Variants in AP1S3 observed in about 807,000 individuals in gnomAD.
AP1S3 encodes the protein adaptor related protein complex 1 subunit sigma 3, also known as AP-1 complex subunit sigma-3.
Under a neutral mutation model 20.9 loss-of-function variants are expected in AP1S3, and 10 were observed. The ratio of observed to expected loss-of-function variants is 0.48; its 90% confidence interval spans 0.29 to 0.81. The LOEUF is 0.81. AP1S3 is among the 30% of genes least tolerant of loss of function. AP1S3 has a pLI of 0.08. For missense variants in AP1S3, 154 were observed against 183.8 expected, an observed-to-expected ratio of 0.84 and a Z score of 0.94; for synonymous variants, 41 against 61.5, an observed-to-expected ratio of 0.67 and a Z score of 1.56.
chr2:223,767,235 A>G (rs1271529785), intron 3 of AP1S3, among the ~76,000 whole-genome samples: 2 of 151,918 alleles, frequency 1.3e-5, no homozygotes, highest in Non-Finnish European at 2.9e-5. Context: ...GACCTCCCCA[A>G]CGTTTACCTC....
intron 1 of AP1S3, among the ~76,000 whole-genome samples, chr2:223,821,302 C>T (rs1417512314): frequency 6.6e-6 from 1 of 152,092 alleles, no homozygotes; most frequent in Non-Finnish European, 1.5e-5. Context: ...ATTACAGGCA[C>T]CCGCCACCAC....
At chr2:223,792,764 G>C (rs1559135899) in intron 1 of AP1S3, among the ~76,000 whole-genome samples, 2 of 152,148 alleles carry the variant, frequency 1.3e-5, no homozygotes, top group Non-Finnish European at 2.9e-5. Flanking sequence ...AAACGAAACT[G>C]TCATCAGAGT....
chr2:223,781,024 T>A (rs1272969676), intron 1 of AP1S3, among the ~76,000 whole-genome samples: 1 of 151,784 alleles, frequency 6.6e-6, no homozygotes, highest in Non-Finnish European at 1.5e-5. Flanking sequence ...CTCCCGCTTG[T>A]GAGAACATGC....
Position 223,757,101 on chromosome 2 carries a change from T to C in AP1S3, c.*1614A>G. 3.2e-6 allele frequency: 2 copies of C among 632,694 alleles called. No individual in the cohort carries two copies. Among genetic ancestry groups the C allele is most frequent in the Non-Finnish European group, 3.9e-6 (2 of 508,192 alleles). The allele number at this position is 632,694 out of a possible 1,614,324, so 39.2% of individuals were successfully genotyped here. A position where few individuals can be genotyped will look rare whatever the true frequency, so the allele number is the denominator to read the frequency against. On this transcript the variant is annotated 3_prime_UTR_variant, in exon 5 of 5. Transcript: ENST00000396654. ...GCCTCCTGGGTTCAAGCCATTCCCC[T>C]GCCTCAGCCCCCTGAGTAGCTGGGA...
chr2:223,836,968 A>G (rs1406103462), intron 1 of AP1S3, among the ~76,000 whole-genome samples: 1 of 152,104 alleles, frequency 6.6e-6, no homozygotes, highest in East Asian at 1.9e-4. Flanking sequence ...ATGTCCTTGA[A>G]GAGGCTTTGC....
intron 1 of AP1S3, among the ~76,000 whole-genome samples, chr2:223,812,857 T>C (rs1463845683): frequency 1.3e-5 from 2 of 152,110 alleles, no homozygotes; most frequent in Admixed American, 6.6e-5. Flanking sequence ...GAACTCAAAA[T>C]TGTCAATAAA....
intron 1 of AP1S3, among the ~76,000 whole-genome samples, chr2:223,809,724 CTTTA>C (rs1441918912): frequency 6.7e-6 from 1 of 149,518 alleles, no homozygotes; most frequent in Non-Finnish European, 1.5e-5. Flanking sequence ...ACCGTTTCAC[CTTTA>C]TTTATTTTTT....
At chr2:223,828,904 G>A (rs555230319) in intron 1 of AP1S3, among the ~76,000 whole-genome samples, 5 of 152,000 alleles carry the variant, frequency 3.3e-5, no homozygotes, top group South Asian at 2.1e-4. Flanking sequence ...GTGCAGTGGC[G>A]CGATCTCGGC....
intron 1 of AP1S3, among the ~76,000 whole-genome samples, chr2:223,828,460 C>T (rs567923840): frequency 4.6e-4 from 70 of 152,068 alleles, no homozygotes; most frequent in Non-Finnish European, 9.0e-4. Flanking sequence ...CCATGCCCAG[C>T]TAATTTTTTG....
intron 1 of AP1S3, among the ~76,000 whole-genome samples, chr2:223,833,281 C>T (rs912174521): frequency 4.6e-5 from 7 of 152,036 alleles, no homozygotes; most frequent in Admixed American, 2.0e-4. Flanking sequence ...TACATACATA[C>T]ATAAACAACA....
At chr2:223,800,372 AAAAT>A (rs1295233266) in intron 1 of AP1S3, among the ~76,000 whole-genome samples, 1 of 152,078 alleles carries the variant, frequency 6.6e-6, no homozygotes, top group Non-Finnish European at 1.5e-5. Flanking sequence ...ATCCTTACAG[AAAAT>A]AAATAAATAG....
intron 1 of AP1S3, among the ~76,000 whole-genome samples, chr2:223,783,561 G>A (rs1042571977): frequency 6.6e-6 from 1 of 152,194 alleles, no homozygotes; most frequent in African/African-American, 2.4e-5. Flanking sequence ...TCCTCCGAGG[G>A]AAGCACGAAG....
intron 3 of AP1S3, among the ~76,000 whole-genome samples, chr2:223,771,910 C>T (rs949304330): frequency 3.3e-5 from 5 of 152,120 alleles, no homozygotes; most frequent in Admixed American, 1.3e-4. Context: ...AGTTTGAGAC[C>T]AGCCTGGCCA....
At position 223,755,854 on chromosome 2, in the gene AP1S3, G is replaced by C; in HGVS notation, c.*2861C>G. On this transcript the variant is annotated 3_prime_UTR_variant, in exon 5 of 5. Coordinates refer to ENST00000396654, the MANE Select transcript of AP1S3 (RefSeq NM_001039569.2). ...AGAGATATATTTACTTTCTATGTGTGACACTGATTGAAGTCTGAGAAGCCC... is the reference window on the plus strand; with the variant it reads ...AGAGATATATTTACTTTCTATGTGTCACACTGATTGAAGTCTGAGAAGCCC... The C allele has an allele frequency of 1.0e-6, 1 of 985,352 alleles. No homozygotes were observed. Among genetic ancestry groups the C allele is most frequent in the Non-Finnish European group, 1.2e-6 (1 of 829,900 alleles). 61.0% of individuals were successfully genotyped at this position (985,352 alleles called of 1,614,324 possible).
intron 3 of AP1S3, among the ~76,000 whole-genome samples, chr2:223,771,850 T>A (rs1690636380): frequency 6.6e-6 from 1 of 152,254 alleles, no homozygotes; most frequent in African/African-American, 2.4e-5. Flanking sequence ...CTCACGCCTG[T>A]AATCCCAACA....
chr2:223,780,296 TATATATATATATAGAGAGAG>T (rs1332592012), intron 1 of AP1S3, among the ~76,000 whole-genome samples: 19 of 50,422 alleles, frequency 3.8e-4, no homozygotes, highest in African/African-American at 1.0e-3. Flanking sequence ...TATATATATA[TATATATATATATAGAGAGAG>T]AGAGAGAGAG....
chr2:223,772,442 C>T (rs140797876), intron 3 of AP1S3, among the ~76,000 whole-genome samples: 1 of 152,236 alleles, frequency 6.6e-6, no homozygotes, highest in African/African-American at 2.4e-5. Context: ...TCTGGGAGAT[C>T]AACATCCTCA....
chr2:223,771,828 C>G (rs947837834), intron 3 of AP1S3, among the ~76,000 whole-genome samples: 2 of 152,200 alleles, frequency 1.3e-5, no homozygotes, highest in Non-Finnish European at 2.9e-5. Flanking sequence ...AAGAATAGGC[C>G]GGGCACAGTG....
At chr2:223,813,368 C>T (rs1216675972) in intron 1 of AP1S3, among the ~76,000 whole-genome samples, 1 of 152,188 alleles carries the variant, frequency 6.6e-6, no homozygotes, top group Non-Finnish European at 1.5e-5. Context: ...TAATTTACTG[C>T]TTTTGTACAT....
Sources: gnomAD v4.1 joint callset for allele counts (sites outside exome capture counted in the v4.1 genomes callset) on GRCh38, gnomAD v4.1.1 for gene constraint, MANE v1.5 for transcripts, NCBI Gene and HGNC (gene_info 2026-07-23, HGNC 2026-07-21) for gene names.